LRRK1: variants seen among roughly 807,000 people sequenced by gnomAD.
LRRK1 encodes leucine rich repeat kinase 1, also known as leucine-rich repeat serine/threonine-protein kinase 1.
Under a neutral mutation model 209.1 loss-of-function variants are expected in LRRK1, and 113 were observed. That is an observed-to-expected ratio of 0.54 (90% CI 0.46 to 0.63). The LOEUF (loss-of-function observed/expected upper bound fraction) is 0.63. Ranked by LOEUF, LRRK1 falls within the 30% of genes least tolerant of loss-of-function variation. The pLI, the probability that LRRK1 is intolerant of heterozygous loss-of-function variation, is 0.00. For missense variants in LRRK1, 2,284 were observed against 2,632.2 expected, an observed-to-expected ratio of 0.87 and a Z score of 2.89; for synonymous variants, 1,144 against 1,099.7, an observed-to-expected ratio of 1.04 and a Z score of -0.80.
At chr15:100,982,804 G>A (rs2031676194) in intron 3 of LRRK1, among the ~76,000 whole-genome samples, 1 of 152,250 alleles carries the variant, frequency 6.6e-6, no homozygotes, top group Non-Finnish European at 1.5e-5. Flanking sequence ...TATGCCAGAA[G>A]GGGCTATGCA....
chr15:101,025,982 C>T lies in LRRK1; in HGVS notation c.2250C>T (p.Ala750=), dbSNP rs775547729. The T allele has an allele frequency of 1.5e-5, 24 of 1,614,092 alleles. No individual in the cohort carries two copies. Among genetic ancestry groups the T allele is most frequent in the East Asian group, 6.7e-5 (3 of 44,902 alleles). Residue 750 remains alanine, a synonymous_variant, in exon 17 of 34, where the codon GCC becomes GCT. Coordinates refer to ENST00000388948, the MANE Select transcript of LRRK1 (RefSeq NM_024652.6). ...TGTTGCAGGCCAAGGCCCCAAACGC[C>T]GTGGTGCTGGTGGTCGGGACGCACC... is the stretch of plus-strand genomic sequence containing the variant. The part of the protein sequence containing the change: ...LLNIEAKAPN[A]VVLVVGTHLD...
intron 2 of LRRK1, among the ~76,000 whole-genome samples, chr15:100,932,854 C>T (rs2042235379): frequency 6.6e-6 from 1 of 152,188 alleles, no homozygotes; most frequent in Non-Finnish European, 1.5e-5. Context: ...GCTGCTCCCT[C>T]TGCATTTCAT....
At chr15:101,012,647 GGCCACCCT>G (rs1349405100) in intron 10 of LRRK1, among the ~76,000 whole-genome samples, 1 of 5,306 alleles carries the variant, frequency 1.9e-4, no homozygotes, top group Admixed American at 0.011. Flanking sequence ...AGAGTGCCCA[GGCCACCCT>G]GCACAGGCTT....
chr15:100,930,518 C>T (rs1314317383), intron 2 of LRRK1, among the ~76,000 whole-genome samples: 4 of 152,214 alleles, frequency 2.6e-5, no homozygotes, highest in Non-Finnish European at 5.9e-5. Flanking sequence ...TCCTCACCCC[C>T]TCCCTGGCCT....
At chr15:101,066,980 C>T (rs1213811803) in intron 33 of LRRK1, among the ~76,000 whole-genome samples, 1 of 152,202 alleles carries the variant, frequency 6.6e-6, no homozygotes, top group Non-Finnish European at 1.5e-5. Flanking sequence ...GATCAAGTAC[C>T]CTACCTAGTA....
chr15:101,027,828 C>A lies in LRRK1; in HGVS notation c.2686+31C>A. The stretch of plus-strand genomic sequence containing the variant: ...TGGGGCTGGGGTAGGTGGCAGGGTG[C>A]CCGTGAGAAATGGAACTGTCTGTAC... On this transcript the variant is annotated intron_variant, in intron 19 of 33. Transcript: ENST00000388948. The surrounding 1 kb of genome is among the most constrained non-coding windows in gnomAD (Gnocchi z 5.1). 3.3e-6 allele frequency: 5 copies of A among 1,534,480 alleles called. No individual in the cohort carries two copies. The highest frequency in any genetic ancestry group is 4.4e-6 in the Non-Finnish European group (5 of 1,136,140).
chr15:101,037,148 TC>T (rs1490315603), intron 20 of LRRK1, among the ~76,000 whole-genome samples: 1 of 152,072 alleles, frequency 6.6e-6, no homozygotes, highest in Non-Finnish European at 1.5e-5. Flanking sequence ...GGTTCTCAGG[TC>T]CCTAGGCAGC....
rs765972167 is a variant in LRRK1, at chr15:101,009,090, C to A, written c.989+27C>A. 5 of 1,531,682 alleles carry A rather than the reference C, an allele frequency of 3.3e-6. No homozygotes were observed. The East Asian group carries it at 6.8e-5, about 21-fold the overall frequency. The allele number at this position is 1,531,682 out of a possible 1,614,324, so 94.9% of individuals were successfully genotyped here. ...TGGCTCCCCGGGGTGTGACCGGAGC[C>A]GTGTGTGACCCCGCTGTCACCGTTG... On this transcript the variant is annotated intron_variant, in intron 7 of 33. Transcript: ENST00000388948.
At chr15:101,044,515 G>A (rs577376209) in intron 20 of LRRK1, among the ~76,000 whole-genome samples, 1 of 152,344 alleles carries the variant, frequency 6.6e-6, no homozygotes, top group Admixed American at 6.5e-5. Flanking sequence ...CCCGGAGCCA[G>A]CGGCCTCCAC....
intron 20 of LRRK1, among the ~76,000 whole-genome samples, chr15:101,039,479 A>G (rs986663609): frequency 6.6e-6 from 1 of 152,172 alleles, no homozygotes; most frequent in African/African-American, 2.4e-5. Flanking sequence ...AAATTCACCT[A>G]TTAGCTCCAG....
rs2036968540 is a variant in LRRK1 at position 101,075,899 on chromosome 15, G to GC, written c.*7055dup. 1 of 152,200 alleles carries GC rather than the reference G, an allele frequency of 6.6e-6. No individual in the cohort carries two copies. The highest frequency in any genetic ancestry group is 6.5e-5 in the Admixed American group (1 of 15,278). 9.4% of individuals were successfully genotyped at this position (152,200 alleles called of 1,614,324 possible). On this transcript the variant is annotated 3_prime_UTR_variant, in exon 34 of 34. Transcript: ENST00000388948. ...CTCAGCAAATTACCTGGGCTGTACT[G>GC]CCCCAAAGCTTCACAGACAGCCCCC...
rs780382272 is a variant in LRRK1 at position 101,021,044 on chromosome 15, T to C, written c.1610-9T>C. 19 of 1,614,074 alleles carry C rather than the reference T, an allele frequency of 1.2e-5. No individual in the cohort carries two copies. Among genetic ancestry groups the C allele is most frequent in the Non-Finnish European group, 1.4e-5 (17 of 1,179,932 alleles). ...TTTAAATGCAGTCTGCTTTGCCATG[T>C]CTTTGCAGCAAGTGTGCTGGAATTT... On this transcript the variant is annotated splice_polypyrimidine_tract_variant and intron_variant, in intron 12 of 33. Coordinates refer to ENST00000388948, the MANE Select transcript of LRRK1 (RefSeq NM_024652.6).
intron 25 of LRRK1, 58 bp from the exon 26 acceptor site, chr15:101,053,165 G>C: frequency 6.3e-7 from 1 of 1,591,258 alleles, no homozygotes; most frequent in Non-Finnish European, 8.5e-7. Context: ...GCCTTAGAGA[G>C]GCCTGAGGCT....
chr15:101,002,335 G>A (rs906950001), intron 6 of LRRK1, among the ~76,000 whole-genome samples: 7 of 152,206 alleles, frequency 4.6e-5, no homozygotes, highest in African/African-American at 1.7e-4. Context: ...AATCCTTCTT[G>A]AAAGCAATCC....
Position 101,072,955 on chromosome 15 carries a change from AG to A in LRRK1, c.*4117del, listed in dbSNP as rs58271058. On this transcript the variant is annotated 3_prime_UTR_variant, in exon 34 of 34. Transcript: ENST00000388948. The stretch of plus-strand genomic sequence containing the variant: ...TTGGTGCCGTAACTGGCGCGGGGGG[AG>A]GGGGGGGGGAACCTCCCTTGGGAGA... 0.55 allele frequency: 73,155 copies of A among 132,304 alleles called. 18,213 individuals are homozygous for A. Among genetic ancestry groups the A allele is most frequent in the South Asian group, 0.63 (2,787 of 4,438 alleles). 8.2% of individuals were successfully genotyped at this position (132,304 alleles called of 1,614,324 possible).
chr15:100,998,241 C>G (rs1263689544), intron 6 of LRRK1, among the ~76,000 whole-genome samples: 1 of 151,972 alleles, frequency 6.6e-6, no homozygotes, highest in African/African-American at 2.4e-5. Flanking sequence ...ACTATACCAT[C>G]CATGCTGTAC....
intron 28 of LRRK1, among the ~76,000 whole-genome samples, 199 bp from the exon 29 acceptor site, chr15:101,057,791 C>T (rs1370516675): frequency 1.3e-5 from 2 of 152,310 alleles, no homozygotes; most frequent in South Asian, 2.1e-4. Flanking sequence ...CTTAAATTGC[C>T]GTAGCCAAAG....
rs2036159011 is a variant in LRRK1, at chr15:101,061,259, G to A, written c.4768G>A (p.Val1590Ile). The change falls in exon 30 of 34, where the codon GTC (valine) becomes ATC (isoleucine). Residue 1590 changes from valine to isoleucine, a missense_variant. By Grantham distance (29) the Val-to-Ile change is conservative. Around this residue, in one of 6 missense-constraint regions of LRRK1, gnomAD observed 643 missense variants for 695.9 expected, o/e 0.92. Transcript: ENST00000388948. ...PGMKVSCQLQ[V>I]QRSLWTATED... is the part of the protein sequence containing the mutation. ...GATGAAGGTGAGCTGCCAGCTCCAG[G>A]TCCAGAGATCCCTGTGGACAGCCAC... 1.9e-6 allele frequency: 3 copies of A among 1,613,902 alleles called. No individual in the cohort carries two copies. The African/African-American group carries it at 4.0e-5, about 22-fold the overall frequency.
At chr15:101,064,966 G>A (rs1043347440) in intron 31 of LRRK1, 1 of 251,404 alleles carries the variant, frequency 4.0e-6, no homozygotes, top group Non-Finnish European at 7.7e-6. Context: ...AAGGGCGGGG[G>A]CACCAGGTCC....
Sources: allele counts gnomAD v4.1 joint callset (sites outside exome capture counted in the v4.1 genomes callset), GRCh38; gene constraint gnomAD v4.1.1; regional missense constraint gnomAD v4.1.1; non-coding constraint Gnocchi (gnomAD v3.1); transcripts MANE v1.5; gene names NCBI Gene and HGNC (gene_info 2026-07-23, HGNC 2026-07-21).